Variants in LRP6 observed in about 807,000 individuals in gnomAD.
The protein encoded by LRP6 is LDL receptor related protein 6, also known as low-density lipoprotein receptor-related protein 6.
LRP6 carries 43 observed loss-of-function variants against 184.1 expected under a neutral mutation model. The observed-to-expected ratio is 0.23, with a 90% CI of 0.18 to 0.30. The LOEUF (loss-of-function observed/expected upper bound fraction) is 0.30. LRP6 is among the 10% of genes least tolerant of loss of function. The pLI is 1.00. For missense variants in LRP6, 1,571 were observed against 2,005.3 expected (o/e 0.78, Z 4.14); for synonymous variants, 719 against 684.9 (o/e 1.05, Z -0.78).
intron 3 of LRP6, among the ~76,000 whole-genome samples, chr12:12,200,343 TG>T (rs1565638299): frequency 1.3e-5 from 2 of 152,206 alleles, no homozygotes; most frequent in African/African-American, 4.8e-5. Context: ...CAACAAGCCA[TG>T]GTTTCAGCTC....
At position 12,229,390 on chromosome 12, in the gene LRP6, AGAAG is replaced by A. The variant is rs1565682250; in HGVS notation, c.449+14868_449+14871del. Among the ~76,000 whole-genome samples, 102 of 106,868 alleles carry A rather than the reference AGAAG, an allele frequency of 9.5e-4. 2 individuals carry two copies. Among genetic ancestry groups the A allele is most frequent in the Non-Finnish European group, 1.2e-3 (59 of 49,880 alleles). The allele number at this position is 106,868 out of a possible 152,430, so 70.1% of individuals were successfully genotyped here. ...CATTTCAAAAAAAAAAAAAAAAAGA[AGAAG>A]AAGAAGAATATCTCACACTGAGACT... On this transcript the variant is annotated intron_variant, in intron 2 of 22. Transcript: ENST00000261349.
At chr12:12,185,847 G>T (rs199558678) in intron 4 of LRP6, among the ~76,000 whole-genome samples, 48 of 140,894 alleles carry the variant, frequency 3.4e-4, no homozygotes, top group East Asian at 2.3e-3. Flanking sequence ...TGTGTTTTTT[G>T]TTTTTTTTTT....
At chr12:12,150,427 A>G (rs1046628450) in intron 13 of LRP6, among the ~76,000 whole-genome samples, 7 of 152,194 alleles carry the variant, frequency 4.6e-5, no homozygotes, top group South Asian at 2.1e-4. Context: ...TACATAACAC[A>G]TAAGAGCTAT....
chr12:12,129,448 C>A (rs1949716676), intron 19 of LRP6, among the ~76,000 whole-genome samples: 1 of 152,200 alleles, frequency 6.6e-6, no homozygotes, highest in Non-Finnish European at 1.5e-5. Context: ...CCAGAGGTGC[C>A]TGTTTCACTC....
rs1949742732 is a variant in LRP6, at chr12:12,130,897, G to A, written c.3971-4C>T. 1 of 1,502,172 alleles carries A rather than the reference G, an allele frequency of 6.7e-7. No homozygotes were observed. Among genetic ancestry groups the A allele is most frequent in the Non-Finnish European group, 9.3e-7 (1 of 1,078,752 alleles). The allele number at this position is 1,502,172 out of a possible 1,614,324, so 93.1% of individuals were successfully genotyped here. A position where few individuals can be genotyped will look rare whatever the true frequency, so the allele number is the denominator to read the frequency against. ...AACTGATCAATTAAACAAAGCACTG[G>A]AAAAAAAACATAAATAGTTTCCTTA... On this transcript the variant is annotated splice_polypyrimidine_tract_variant and splice_region_variant and intron_variant, in intron 18 of 22. Coordinates refer to ENST00000261349, the MANE Select transcript of LRP6 (RefSeq NM_002336.3).
chr12:12,203,075 A>C (rs1226337466), intron 3 of LRP6, 128 bp downstream of exon 3: 1 of 644,890 alleles, frequency 1.6e-6, no homozygotes, highest in Non-Finnish European at 2.6e-6. Flanking sequence ...GCTAACTAAA[A>C]GACTATTCTT....
At chr12:12,160,076 A>G (rs1176588802) in intron 10 of LRP6, 112 bp from the exon 11 acceptor site, 14 of 766,512 alleles carry the variant, frequency 1.8e-5, no homozygotes, top group Non-Finnish European at 2.6e-5. Flanking sequence ...CAGCAAATCA[A>G]GGAAATGGGT....
intron 22 of LRP6, among the ~76,000 whole-genome samples, chr12:12,122,870 G>A (rs1282825756): frequency 6.6e-6 from 1 of 151,966 alleles, no homozygotes; most frequent in East Asian, 1.9e-4. Flanking sequence ...GTGCAAGGCT[G>A]CCAGAGACCA....
At chr12:12,264,144 A>AT (rs1491117532) in intron 1 of LRP6, among the ~76,000 whole-genome samples, 1 of 144,960 alleles carries the variant, frequency 6.9e-6, no homozygotes, top group Non-Finnish European at 1.5e-5. Context: ...TTGTCTCTTT[A>AT]AAAAAAAAAA....
Position 12,180,240 on chromosome 12 carries a change from C to CT in LRP6, c.1374-260dup, listed in dbSNP as rs35341305. Among the ~76,000 whole-genome samples, 69,749 of 126,092 alleles carry CT rather than the reference C, an allele frequency of 0.55. 19,369 individuals carry two copies. Among genetic ancestry groups the CT allele is most frequent in the East Asian group, 0.74 (3,247 of 4,390 alleles). 82.7% of individuals were successfully genotyped at this position (126,092 alleles called of 152,430 possible). ...CAATAATGAGATTACAGTTTTACTT[C>CT]TTTTTTTTTTTTTTTTTTTTAAATA... On this transcript the variant is annotated intron_variant, in intron 6 of 22. Coordinates refer to ENST00000261349, the MANE Select transcript of LRP6 (RefSeq NM_002336.3).
At chr12:12,217,329 T>C (rs1352122909) in intron 2 of LRP6, among the ~76,000 whole-genome samples, 1 of 152,008 alleles carries the variant, frequency 6.6e-6, no homozygotes, top group Non-Finnish European at 1.5e-5. Flanking sequence ...TCTGTCACTG[T>C]TTCCCATCAC....
intron 15 of LRP6, among the ~76,000 whole-genome samples, chr12:12,144,373 G>A (rs959515923): frequency 3.9e-5 from 6 of 152,230 alleles, no homozygotes; most frequent in African/African-American, 1.4e-4. Flanking sequence ...GCCAGGCATG[G>A]TGGCTCATGC....
chr12:12,133,497 T>C (rs1949785930), intron 17 of LRP6, among the ~76,000 whole-genome samples: 1 of 152,058 alleles, frequency 6.6e-6, no homozygotes, highest in African/African-American at 2.4e-5. Flanking sequence ...GCCATCAAAG[T>C]TTCCTGAGGC....
intron 3 of LRP6, among the ~76,000 whole-genome samples, chr12:12,197,542 A>G (rs146856053): frequency 8.5e-4 from 129 of 152,364 alleles, no homozygotes; most frequent in African/African-American, 3.1e-3. Context: ...TAATAAGCGC[A>G]TACTAGTAAG....
At chr12:12,151,064 T>C in intron 12 of LRP6, 26 bp from the exon 13 acceptor site, 1 of 1,563,728 alleles carries the variant, frequency 6.4e-7, no homozygotes, top group Non-Finnish European at 8.8e-7. Context: ...AGAGAAAATC[T>C]GAAATCTAGT....
At chr12:12,208,101 A>G (rs545897651) in intron 2 of LRP6, among the ~76,000 whole-genome samples, 5 of 152,370 alleles carry the variant, frequency 3.3e-5, no homozygotes, top group African/African-American at 1.2e-4. Flanking sequence ...CAGCAACATA[A>G]AAGAACTACT....
At chr12:12,221,906 G>C (rs1291113574) in intron 2 of LRP6, among the ~76,000 whole-genome samples, 2 of 152,208 alleles carry the variant, frequency 1.3e-5, no homozygotes, top group African/African-American at 4.8e-5. Context: ...TCTGGCTTCA[G>C]AGAACAGAGT....
At chr12:12,260,183 C>T (rs1461758353) in intron 1 of LRP6, among the ~76,000 whole-genome samples, 2 of 152,032 alleles carry the variant, frequency 1.3e-5, no homozygotes, top group Non-Finnish European at 2.9e-5. Context: ...TGGAGACCAA[C>T]CTGGCTAACA....
At chr12:12,208,110 C>T (rs1355617309) in intron 2 of LRP6, among the ~76,000 whole-genome samples, 2 of 152,194 alleles carry the variant, frequency 1.3e-5, no homozygotes, top group African/African-American at 4.8e-5. Flanking sequence ...AAAAGAACTA[C>T]TTATCAATGT....
Sources: gnomAD v4.1 joint callset for allele counts (sites outside exome capture counted in the v4.1 genomes callset) on GRCh38, gnomAD v4.1.1 for gene constraint, MANE v1.5 for transcripts, NCBI Gene and HGNC (gene_info 2026-07-23, HGNC 2026-07-21) for gene names.